Variants in KLC2 observed in about 807,000 individuals in gnomAD.
KLC2 encodes KLC 2.
In KLC2, 35 loss-of-function variants were observed where a neutral mutation model predicts 75.1. The ratio of observed to expected loss-of-function variants is 0.47; its 90% CI spans 0.36 to 0.62. KLC2 has a LOEUF of 0.62. Among genes scored for constraint, KLC2 ranks in the 20% least tolerant of loss-of-function variants. The pLI is 0.00. For missense variants in KLC2, 611 were observed against 833.2 expected (o/e 0.73, Z 3.28); for synonymous variants, 314 against 336.7 (o/e 0.93, Z 0.74).
At chr11:66,252,340 C>T (rs528960992), upstream of KLC2, among the ~76,000 whole-genome samples, 28 of 152,300 alleles carry the variant, frequency 1.8e-4, no homozygotes, top group East Asian at 2.7e-3. Context: ...GGCTGGAGTG[C>T]AGTGGCGCGA....
At chr11:66,252,299 T>G (rs1278198993), upstream of KLC2, among the ~76,000 whole-genome samples, 1 of 152,188 alleles carries the variant, frequency 6.6e-6, no homozygotes, top group Non-Finnish European at 1.5e-5. Flanking sequence ...TTGTTTTTGG[T>G]TTTTGAGACA....
upstream of KLC2, among the ~76,000 whole-genome samples, chr11:66,253,924 C>T (rs918063662): frequency 6.6e-6 from 1 of 152,230 alleles, no homozygotes; most frequent in Non-Finnish European, 1.5e-5. Context: ...GAGAAGTGTT[C>T]TCTCCATTTA....
rs1474721348 is a variant in KLC2 at position 66,266,169 on chromosome 11, T to C, written c.1679T>C (p.Leu560Pro). 1.2e-6 allele frequency: 2 copies of C among 1,612,762 alleles called. No homozygotes were observed. The highest frequency in any genetic ancestry group is 1.7e-6 in the Non-Finnish European group (2 of 1,179,582). The change falls in exon 14 of 16, where the codon CTG (leucine) becomes CCG (proline). Residue 560 changes from leucine (L) to proline (P), a missense_variant. Leu to Pro is a moderately conservative substitution (Grantham distance 98, BLOSUM62 -3). Transcript: ENST00000394067. The stretch of plus-strand genomic sequence containing the variant: ...GCCCTGAGGCGCAGCAGTGAGATGC[T>C]GGTAAAGAAGCTGCAGGGGGGCACC... ...RDALRRSSEM[L>P]VKKLQGGTPQ...
At chr11:66,246,552 C>T in the KLC2 span, among the ~76,000 whole-genome samples, 1 of 152,172 alleles carries the variant, frequency 6.6e-6, no homozygotes, top group Admixed American at 6.5e-5. Context: ...CGGGTTCTCC[C>T]CTCTGCCAGG....
Position 66,261,733 on chromosome 11 carries a change from G to T in KLC2, c.229-9G>T. On this transcript the variant is annotated splice_polypyrimidine_tract_variant and intron_variant, in intron 2 of 15. Coordinates refer to ENST00000394067, the MANE Select transcript of KLC2 (RefSeq NM_001318734.2). The stretch of plus-strand genomic sequence containing the variant: ...AGGCCTCCGACCCTTACCTGGGCTG[G>T]TTGCACAGGTGATCTTGGCATTGTC... 1 of 1,597,368 alleles carries T rather than the reference G, an allele frequency of 6.3e-7. No homozygotes were observed. Among genetic ancestry groups the T allele is most frequent in the Non-Finnish European group, 8.6e-7 (1 of 1,167,034 alleles).
At chr11:66,253,706 A>C (rs1444714688), upstream of KLC2, among the ~76,000 whole-genome samples, 1 of 152,244 alleles carries the variant, frequency 6.6e-6, no homozygotes, top group Non-Finnish European at 1.5e-5. Flanking sequence ...GAGACAAGAT[A>C]AAAAGCCAAG....
the KLC2 span, among the ~76,000 whole-genome samples, chr11:66,252,197 A>G: frequency 1.3e-4 from 20 of 152,194 alleles, no homozygotes; most frequent in Non-Finnish European, 2.4e-4. Flanking sequence ...GTTGACTACT[A>G]AGCTTGATGG....
chr11:66,252,917 C>G (rs540114307), upstream of KLC2, among the ~76,000 whole-genome samples: 38 of 151,822 alleles, frequency 2.5e-4, 1 homozygote, highest in South Asian at 7.7e-3. Flanking sequence ...CCAAGGTAGA[C>G]AAGGGCCCCT....
chr11:66,263,975 A>G (rs1425711428), intron 7 of KLC2, 23 bp downstream of exon 7: 1 of 1,613,226 alleles, frequency 6.2e-7, no homozygotes, highest in Admixed American at 1.7e-5. Context: ...AGGGCTGGGC[A>G]GGCTGGGGGT....
the KLC2 span, among the ~76,000 whole-genome samples, chr11:66,248,264 G>A: frequency 6.6e-6 from 1 of 152,136 alleles, no homozygotes; most frequent in Non-Finnish European, 1.5e-5. Flanking sequence ...CTGTTAACAT[G>A]TTACATTCAT....
At chr11:66,251,941 G>C in the KLC2 span, among the ~76,000 whole-genome samples, 1 of 152,194 alleles carries the variant, frequency 6.6e-6, no homozygotes, top group Non-Finnish European at 1.5e-5. Flanking sequence ...GGAGATGTGG[G>C]CCTCCCCACC....
chr11:66,250,615 A>C, the KLC2 span, among the ~76,000 whole-genome samples: 1 of 152,166 alleles, frequency 6.6e-6, no homozygotes, highest in Admixed American at 6.5e-5. Context: ...ACAGCATGAC[A>C]GGTTGCACTG....
chr11:66,260,502 T>C (rs921507794), intron 2 of KLC2, among the ~76,000 whole-genome samples: 1 of 152,304 alleles, frequency 6.6e-6, no homozygotes, highest in African/African-American at 2.4e-5. Context: ...AGGCCGGGTG[T>C]GGTGGCTCAC....
chr11:66,266,222 GC>G lies in KLC2; in HGVS notation c.1727+11del. On this transcript the variant is annotated splice_donor_region_variant and intron_variant, in intron 14 of 15. Transcript: ENST00000394067. ...CCAGGAGCCCCCTAACCCCAGGTGA[GC>G]CCCCCACCAAGGTGAGCCTCAAGAA... 1 of 1,596,448 alleles carries G rather than the reference GC, an allele frequency of 6.3e-7. No individual in the cohort carries two copies. The highest frequency in any genetic ancestry group is 8.5e-7 in the Non-Finnish European group (1 of 1,171,064).
chr11:66,250,264 G>A, the KLC2 span, among the ~76,000 whole-genome samples: 4 of 151,508 alleles, frequency 2.6e-5, no homozygotes, highest in Non-Finnish European at 4.4e-5. Context: ...AGAGCTCCAG[G>A]AGGACAAAGA....
Position 66,266,363 on chromosome 11 carries a change from A to G in KLC2, c.1728-70A>G, listed in dbSNP as rs1187152390. On this transcript the variant is annotated intron_variant, in intron 14 of 15. Coordinates refer to ENST00000394067, the MANE Select transcript of KLC2 (RefSeq NM_001318734.2). ...ACCAGTCTGTTCCCTCCCCAGCCCC[A>G]CCCTTCTCCCTGCCCCCATCTCCCG... 5 of 1,091,554 alleles carry G rather than the reference A, an allele frequency of 4.6e-6. No homozygotes were observed. The African/African-American group carries it at 6.2e-5, about 14-fold the overall frequency. 67.6% of individuals were successfully genotyped at this position (1,091,554 alleles called of 1,614,324 possible). A position where few individuals can be genotyped will look rare whatever the true frequency, so the allele number is the denominator to read the frequency against.
chr11:66,254,267 G>A (rs556373111), upstream of KLC2, among the ~76,000 whole-genome samples: 151 of 152,236 alleles, frequency 9.9e-4, 2 homozygotes, highest in African/African-American at 2.8e-3. Context: ...CGGTGCAGCC[G>A]CCTTTCACTT....
Position 66,267,226 on chromosome 11 carries a change from C to A in KLC2, c.*270C>A. On this transcript the variant is annotated 3_prime_UTR_variant, in exon 16 of 16. Coordinates refer to ENST00000394067, the MANE Select transcript of KLC2 (RefSeq NM_001318734.2). ...AGGAGGTGCCGGCTGGAGTCTCCAC[C>A]ATAGACTCAGTGGCCTGGCCTCCCC... 1.3e-6 allele frequency: 2 copies of A among 1,522,264 alleles called. No homozygotes were observed. Among genetic ancestry groups the A allele is most frequent in the Non-Finnish European group, 1.8e-6 (2 of 1,121,098 alleles). 94.3% of individuals were successfully genotyped at this position (1,522,264 alleles called of 1,614,324 possible).
At chr11:66,245,807 G>A in the KLC2 span, among the ~76,000 whole-genome samples, 5 of 152,046 alleles carry the variant, frequency 3.3e-5, no homozygotes, top group Non-Finnish European at 7.4e-5. Context: ...ACTTGAACCC[G>A]GGAGGCGGAG....
Sources: allele counts gnomAD v4.1 joint callset (sites outside exome capture counted in the v4.1 genomes callset), GRCh38; gene constraint gnomAD v4.1.1; transcripts MANE v1.5; gene names NCBI Gene and HGNC (gene_info 2026-07-23, HGNC 2026-07-21).